Variants in GAB2 observed in about 807,000 individuals in gnomAD.
GAB2 encodes the protein GRB2 associated binding protein 2, also known as GRB2-associated-binding protein 2.
A neutral mutation model predicts 65.5 loss-of-function variants in GAB2; 26 were observed. That is an observed-to-expected ratio of 0.40 (90% CI 0.29 to 0.55). The LOEUF (loss-of-function observed/expected upper bound fraction) is 0.55, where lower values mean the gene tolerates loss of function less well. GAB2 is among the 20% of genes least tolerant of loss of function. The pLI, the probability that GAB2 is intolerant of heterozygous loss-of-function variation, is 0.53. For missense variants in GAB2, 884 were observed against 875.8 expected (o/e 1.01, Z -0.12); for synonymous variants, 321 against 329.6 (o/e 0.97, Z 0.28).
chr11:78,307,604 T>TACAGAGAGAGAGAGAG (rs1554986626), intron 1 of GAB2, among the ~76,000 whole-genome samples: 4 of 121,884 alleles, frequency 3.3e-5, no homozygotes, highest in Admixed American at 2.4e-4. Context: ...CAAAAAATGT[T>TACAGAGAGAGAGAGAG]AGAGAGAGAG....
intron 4 of GAB2, among the ~76,000 whole-genome samples, chr11:78,226,181 A>G (rs1169925633): frequency 1.3e-5 from 2 of 152,246 alleles, no homozygotes; most frequent in African/African-American, 4.8e-5. Context: ...TTCTAAACCC[A>G]TAATATGTTA....
At chr11:78,386,688 C>A in intron 1 of GAB2, among the ~76,000 whole-genome samples, 1 of 152,216 alleles carries the variant, frequency 6.6e-6, no homozygotes, top group East Asian at 1.9e-4. Context: ...GCCCTGTGAC[C>A]TCTTAGCCTT....
intron 2 of GAB2, among the ~76,000 whole-genome samples, chr11:78,262,272 T>G (rs1310876495): frequency 6.6e-6 from 1 of 152,222 alleles, no homozygotes; most frequent in Non-Finnish European, 1.5e-5. Context: ...CTCAGCTTAC[T>G]AGTTGTGAAA....
chr11:78,265,203 C>CATACATATATAT lies in GAB2; in HGVS notation c.377-14804_377-14803insATATATATGTAT, dbSNP rs1779869052. 2.1e-5 allele frequency among the ~76,000 whole-genome samples: 3 copies of CATACATATATAT among 144,920 alleles called. No individual in the cohort carries two copies. In the Admixed American group the frequency reaches 2.1e-4, roughly 10 times the overall value. The stretch of plus-strand genomic sequence containing the variant: ...TGTAATAAACGGGCCTTCTATACCA[C>CATACATATATAT]ATATATATATATATATATATAAAAG... On this transcript the variant is annotated intron_variant, in intron 2 of 9. Coordinates refer to ENST00000361507, the MANE Select transcript of GAB2 (RefSeq NM_080491.3).
chr11:78,375,775 G>A (rs1282558721), intron 1 of GAB2, among the ~76,000 whole-genome samples: 1 of 152,148 alleles, frequency 6.6e-6, no homozygotes, highest in Non-Finnish European at 1.5e-5. Context: ...ATAAGTTACA[G>A]AGTGCTCTTC....
At chr11:78,303,452 ATT>A (rs751508220) in intron 1 of GAB2, among the ~76,000 whole-genome samples, 3 of 152,138 alleles carry the variant, frequency 2.0e-5, no homozygotes, top group Non-Finnish European at 4.4e-5. Flanking sequence ...TTACCTTTGC[ATT>A]TTTGTTAAAA....
Position 78,342,132 on chromosome 11 carries a change from C to T in GAB2, c.76-61231G>A, listed in dbSNP as rs1343496875. 2.6e-5 allele frequency among the ~76,000 whole-genome samples: 4 copies of T among 152,220 alleles called. No homozygotes were observed. The East Asian group carries it at 7.7e-4, about 29-fold the overall frequency. ...CTGTGCAAATGCAAATAAGTATACT[C>T]GCAGAAACAAAAATTTCAACCTACA... On this transcript the variant is annotated intron_variant, in intron 1 of 9. Transcript: ENST00000361507.
At chr11:78,246,937 T>C (rs1373365168) in intron 3 of GAB2, among the ~76,000 whole-genome samples, 1 of 152,246 alleles carries the variant, frequency 6.6e-6, no homozygotes, top group African/African-American at 2.4e-5. Context: ...GTCCCACACA[T>C]GTGTAGCCCA....
At chr11:78,370,614 C>A (rs1008899946) in intron 1 of GAB2, among the ~76,000 whole-genome samples, 1 of 152,158 alleles carries the variant, frequency 6.6e-6, no homozygotes, top group Non-Finnish European at 1.5e-5. Flanking sequence ...TATGCATCAA[C>A]AAACCCGCTA....
At position 78,353,483 on chromosome 11, in the gene GAB2, C is replaced by T. The variant is rs139123356; in HGVS notation, c.75+64163G>A. The stretch of plus-strand genomic sequence containing the variant: ...GGGAGAAACTGGGGATGGGGCCCAA[C>T]AATGTATATTTTACAGACTAATGAT... On this transcript the variant is annotated intron_variant, in intron 1 of 9. Coordinates refer to ENST00000361507, the MANE Select transcript of GAB2 (RefSeq NM_080491.3). Among the ~76,000 whole-genome samples, 539 of 152,244 alleles carry T rather than the reference C, an allele frequency of 3.5e-3. 5 individuals carry two copies. The highest frequency in any genetic ancestry group is 0.012 in the African/African-American group (486 of 41,546).
intron 1 of GAB2, among the ~76,000 whole-genome samples, chr11:78,380,794 C>T (rs867187292): frequency 1.3e-5 from 2 of 150,450 alleles, no homozygotes; most frequent in African/African-American, 2.5e-5. Flanking sequence ...CCCCCCACCC[C>T]GTAATTAAGA....
At chr11:78,407,240 T>A (rs1229979073) in intron 1 of GAB2, among the ~76,000 whole-genome samples, 3 of 152,124 alleles carry the variant, frequency 2.0e-5, no homozygotes, top group African/African-American at 7.2e-5. Flanking sequence ...GTAGGTTTAG[T>A]GAGTTCCAAA....
rs189877524 is a variant in GAB2, at chr11:78,277,421, T to G, written c.376+3180A>C. ...AGGTGAGAGTCAGGCGGTTAAACTC[T>G]CTAAAATAACAACTGGTTGCAGCTG... On this transcript the variant is annotated intron_variant, in intron 2 of 9. Transcript: ENST00000361507. Among the ~76,000 whole-genome samples the G allele has an allele frequency of 3.3e-3, 500 of 152,194 alleles. 2 individuals are homozygous for G. Among genetic ancestry groups the G allele is most frequent in the African/African-American group, 0.011 (472 of 41,526 alleles).
At chr11:78,296,708 T>G (rs1042130627) in intron 1 of GAB2, among the ~76,000 whole-genome samples, 7 of 152,254 alleles carry the variant, frequency 4.6e-5, no homozygotes, top group African/African-American at 1.7e-4. Flanking sequence ...ATGTTTTCAC[T>G]GCCCTGTCCA....
At position 78,309,648 on chromosome 11, in the gene GAB2, A is replaced by T. The variant is rs532751522; in HGVS notation, c.76-28747T>A. Among the ~76,000 whole-genome samples the T allele has an allele frequency of 5.9e-5, 9 of 152,000 alleles. No individual in the cohort carries two copies. In the South Asian group the frequency reaches 8.3e-4, roughly 14 times the overall value. On this transcript the variant is annotated intron_variant, in intron 1 of 9. Coordinates refer to ENST00000361507, the MANE Select transcript of GAB2 (RefSeq NM_080491.3). ...CACCATGCCTGGCTAATATTTTTTT[A>T]AAAAACCTGTCTTGACAGAGCAACA...
intron 1 of GAB2, among the ~76,000 whole-genome samples, chr11:78,334,203 GAGAATA>G (rs1855961899): frequency 6.6e-6 from 1 of 152,098 alleles, no homozygotes; most frequent in Non-Finnish European, 1.5e-5. Flanking sequence ...TCACATCATG[GAGAATA>G]AGGTACCCAT....
At chr11:78,249,444 G>A (rs1212179117) in intron 3 of GAB2, among the ~76,000 whole-genome samples, 3 of 152,174 alleles carry the variant, frequency 2.0e-5, no homozygotes, top group Non-Finnish European at 4.4e-5. Flanking sequence ...TATCAGCTCT[G>A]CACTTTTGCT....
At chr11:78,339,175 C>G (rs1444688934) in intron 1 of GAB2, among the ~76,000 whole-genome samples, 2 of 152,164 alleles carry the variant, frequency 1.3e-5, no homozygotes, top group African/African-American at 4.8e-5. Flanking sequence ...ATCTACCTGT[C>G]TCGGCCTCCC....
chr11:78,365,650 AT>A (rs1446211992), intron 1 of GAB2, among the ~76,000 whole-genome samples: 1 of 152,148 alleles, frequency 6.6e-6, no homozygotes, highest in Non-Finnish European at 1.5e-5. Context: ...ACCAGGGAAA[AT>A]TCTGGGAGGT....
Sources: allele counts gnomAD v4.1 joint callset (sites outside exome capture counted in the v4.1 genomes callset), GRCh38; gene constraint gnomAD v4.1.1; transcripts MANE v1.5; gene names NCBI Gene and HGNC (gene_info 2026-07-23, HGNC 2026-07-21).